Variants in HTRA1 observed in about 807,000 individuals in gnomAD.
HTRA1 encodes the protein HtrA serine peptidase 1, also known as serine protease HTRA1.
HTRA1 carries 26 observed loss-of-function variants against 49.7 expected under a neutral mutation model. The ratio of observed to expected loss-of-function variants is 0.52; its 90% CI spans 0.38 to 0.73. The LOEUF is 0.73. Ranked by LOEUF, HTRA1 falls within the 30% of genes least tolerant of loss-of-function variation. The pLI is 0.00. For synonymous variants in HTRA1, 291 were observed against 286.9 expected (o/e 1.01, Z -0.14); for missense variants, 561 against 667.2 (o/e 0.84, Z 1.75).
At chr10:122,513,738 A>AT (rs945964913) in intron 8 of HTRA1, among the ~76,000 whole-genome samples, 7 of 141,228 alleles carry the variant, frequency 5.0e-5, no homozygotes, top group Admixed American at 7.3e-5. Context: ...ATTTTATTTT[A>AT]TTTTTTTTGA....
intron 4 of HTRA1, 77 bp from the exon 5 acceptor site, chr10:122,507,293 G>A: frequency 8.3e-7 from 1 of 1,206,996 alleles, no homozygotes; most frequent in Non-Finnish European, 1.2e-6. Context: ...CCGTGCTCAG[G>A]AAACGACCAG....
At chr10:122,493,500 G>A (rs917045570) in intron 3 of HTRA1, among the ~76,000 whole-genome samples, 6 of 152,166 alleles carry the variant, frequency 3.9e-5, no homozygotes, top group Non-Finnish European at 5.9e-5. Flanking sequence ...TTGTCCCTGC[G>A]GGGTTTTTTT....
At chr10:122,507,094 C>T (rs1037179301) in intron 4 of HTRA1, among the ~76,000 whole-genome samples, 1 of 152,134 alleles carries the variant, frequency 6.6e-6, no homozygotes, top group African/African-American at 2.4e-5. Flanking sequence ...CAGCCTCCTC[C>T]CAGGAGGAAG....
rs2097506919 is a variant in HTRA1 at position 122,514,223 on chromosome 10, G to C, written c.1307G>C (p.Ser436Thr). ...CTCAAGGAAAACGACGTCATAATCA[G>C]CATCAATGGACAGTCCGTGGTCTCC... ...GGLKENDVII[S>T]INGQSVVSAN... The change falls in exon 9 of 9, where the codon AGC becomes ACC. Residue 436 changes from serine (S) to threonine (T), a missense_variant. By Grantham distance (58) the Ser-to-Thr change is moderately conservative (BLOSUM62 1). Transcript: ENST00000368984. 8 of 1,614,036 alleles carry C rather than the reference G, an allele frequency of 5.0e-6. No individual in the cohort carries two copies. The highest frequency in any genetic ancestry group is 6.8e-6 in the Non-Finnish European group (8 of 1,180,016).
At chr10:122,488,754 A>G (rs1342818918) in intron 1 of HTRA1, 148 bp from the exon 2 acceptor site, 2 of 749,070 alleles carry the variant, frequency 2.7e-6, no homozygotes, top group Non-Finnish European at 4.9e-6. Context: ...GGACATTTGC[A>G]GCTGAGCCCA....
chr10:122,481,734 G>A (rs183459967), intron 1 of HTRA1, among the ~76,000 whole-genome samples: 115 of 152,256 alleles, frequency 7.6e-4, no homozygotes, highest in Non-Finnish European at 1.1e-3. Flanking sequence ...GGAGGGACCC[G>A]GTTGGTGGTA....
chr10:122,487,004 AG>A lies in HTRA1; in HGVS notation c.473-1894del, dbSNP rs1380820533. On this transcript the variant is annotated intron_variant, in intron 1 of 8. Coordinates refer to ENST00000368984, the MANE Select transcript of HTRA1 (RefSeq NM_002775.5). This position sits in a 1 kb window ranked among gnomAD's most constrained non-coding sequence, Gnocchi z 4.8. ...CTCTGTGTATATATGCATGTGTGTTAGGGGCAGGCACACAGGCCTGTTGGTA... is the reference window on the plus strand; with the variant it reads ...CTCTGTGTATATATGCATGTGTGTTAGGGCAGGCACACAGGCCTGTTGGTA... 2.8e-4 allele frequency among the ~76,000 whole-genome samples: 43 copies of A among 152,124 alleles called. No homozygotes were observed. Among genetic ancestry groups the A allele is most frequent in the African/African-American group, 9.9e-4 (41 of 41,482 alleles).
At position 122,490,961 on chromosome 10, in the gene HTRA1, C is replaced by T. The variant is rs540727463; in HGVS notation, c.777+1335C>T. On this transcript the variant is annotated intron_variant, in intron 3 of 8. Coordinates refer to ENST00000368984, the MANE Select transcript of HTRA1 (RefSeq NM_002775.5). The surrounding 1 kb of genome is among the most constrained non-coding windows in gnomAD (Gnocchi z 4.2). ...CTATGGCTGGGTGGCCAGGCATGGCCGAAGAGGCTCTGGGTAGATATAGGC... is the reference window on the plus strand; with the variant it reads ...CTATGGCTGGGTGGCCAGGCATGGCTGAAGAGGCTCTGGGTAGATATAGGC... 1.3e-5 allele frequency among the ~76,000 whole-genome samples: 2 copies of T among 152,108 alleles called. No homozygotes were observed. The highest frequency in any genetic ancestry group is 2.4e-5 in the African/African-American group (1 of 41,404).
chr10:122,514,110 C>T (rs2097506864), intron 8 of HTRA1, 81 bp from the exon 9 acceptor site: 19 of 1,359,978 alleles, frequency 1.4e-5, no homozygotes, highest in Non-Finnish European at 1.9e-5. Context: ...AGGTTCTAAG[C>T]TGTGCCTCTG....
chr10:122,473,085 C>T (rs948356678), intron 1 of HTRA1, among the ~76,000 whole-genome samples: 4 of 152,146 alleles, frequency 2.6e-5, no homozygotes, highest in Admixed American at 2.6e-4. Flanking sequence ...CTTTTTTGGT[C>T]TTACAGGTTA....
At chr10:122,511,504 G>A (rs553262959) in intron 7 of HTRA1, among the ~76,000 whole-genome samples, 5 of 152,052 alleles carry the variant, frequency 3.3e-5, no homozygotes, top group African/African-American at 7.2e-5. Context: ...AGGCCAAGGC[G>A]GGCAGATCAC....
intron 1 of HTRA1, among the ~76,000 whole-genome samples, chr10:122,476,464 C>T (rs924820288): frequency 1.3e-5 from 2 of 152,220 alleles, no homozygotes; most frequent in Middle Eastern, 3.2e-3. Context: ...ATCCAACTTG[C>T]CCTCAGGTGC....
At chr10:122,501,516 G>A (rs151164402) in intron 3 of HTRA1, among the ~76,000 whole-genome samples, 11 of 152,234 alleles carry the variant, frequency 7.2e-5, no homozygotes, top group Non-Finnish European at 1.3e-4. Context: ...TGACACTCAT[G>A]GTTGCCCACC....
At position 122,512,010 on chromosome 10, in the gene HTRA1, G is replaced by A. The variant is rs751531954; in HGVS notation, c.1219G>A (p.Asp407Asn). 1 of 1,614,018 alleles carries A rather than the reference G, an allele frequency of 6.2e-7. No homozygotes were observed. Among genetic ancestry groups the A allele is most frequent in the Non-Finnish European group, 8.5e-7 (1 of 1,179,964 alleles). The change falls in exon 8 of 9, where the codon GAC (aspartate) becomes AAC (asparagine). Residue 407 changes from aspartate (D) to asparagine (N), a missense_variant. Transcript: ENST00000368984. Reference protein sequence around the residue: ...ELKDRHRDFPDVISGAYIIEV... With the variant: ...ELKDRHRDFPNVISGAYIIEV... ...GAAGGACCGGCACCGGGACTTCCCA[G>A]ACGTGATCTCAGGAGCGTATATAAT... is the stretch of plus-strand genomic sequence containing the variant.
At chr10:122,479,608 C>T (rs369984149) in intron 1 of HTRA1, among the ~76,000 whole-genome samples, 11 of 151,908 alleles carry the variant, frequency 7.2e-5, no homozygotes, top group Non-Finnish European at 8.8e-5. Context: ...TAGCTGGAGG[C>T]GAGGAGAATG....
At chr10:122,486,093 G>A (rs2097492990) in intron 1 of HTRA1, among the ~76,000 whole-genome samples, 1 of 152,218 alleles carries the variant, frequency 6.6e-6, no homozygotes, top group South Asian at 2.1e-4. Context: ...ATCTGTAGGA[G>A]GCCAGTGTTG....
At position 122,506,984 on chromosome 10, in the gene HTRA1, C is replaced by A. The variant is rs2672582; in HGVS notation, c.972+99C>A. On this transcript the variant is annotated intron_variant, in intron 4 of 8. Transcript: ENST00000368984. The surrounding 1 kb of genome is among the most constrained non-coding windows in gnomAD (Gnocchi z 5.2). ...TAGCCCCTGACTTTGTTGTAGTCTG[C>A]GTGAAGGGATGGAACTAGACCAAGC... 2 of 1,086,434 alleles carry A rather than the reference C, an allele frequency of 1.8e-6. No individual in the cohort carries two copies. The highest frequency in any genetic ancestry group is 2.7e-6 in the Non-Finnish European group (2 of 731,588). 67.3% of individuals were successfully genotyped at this position (1,086,434 alleles called of 1,614,324 possible).
At chr10:122,466,092 T>C (rs1313086769) in intron 1 of HTRA1, among the ~76,000 whole-genome samples, 3 of 152,208 alleles carry the variant, frequency 2.0e-5, no homozygotes, top group South Asian at 2.1e-4. Context: ...AGGCAGAGGC[T>C]GTATGTACAT....
At chr10:122,470,358 T>C (rs1375901642) in intron 1 of HTRA1, among the ~76,000 whole-genome samples, 14 of 152,136 alleles carry the variant, frequency 9.2e-5, no homozygotes, top group Admixed American at 9.2e-4. Flanking sequence ...ACTGTGAAAG[T>C]CCAGTGGCAT....
Sources: allele counts gnomAD v4.1 joint callset (sites outside exome capture counted in the v4.1 genomes callset), GRCh38; gene constraint gnomAD v4.1.1; non-coding constraint Gnocchi (gnomAD v3.1); transcripts MANE v1.5; gene names NCBI Gene and HGNC (gene_info 2026-07-23, HGNC 2026-07-21).